The following DPYSL4 variants were observed in gnomAD, a reference collection of about 807,000 sequenced individuals.
The protein encoded by DPYSL4 is dihydropyrimidinase like 4, also known as dihydropyrimidinase-related protein 4.
A neutral mutation model predicts 63.4 loss-of-function variants in DPYSL4; 43 were observed. That is an observed-to-expected ratio of 0.68 (90% confidence interval 0.53 to 0.88). DPYSL4 has a LOEUF of 0.88. DPYSL4 is among the 40% of genes least tolerant of loss of function. The pLI is 0.00. For synonymous variants in DPYSL4, 353 were observed against 331.7 expected, an observed-to-expected ratio of 1.06 and a Z score of -0.70; for missense variants, 733 against 819.5, an observed-to-expected ratio of 0.89 and a Z score of 1.29.
intron 1 of DPYSL4, among the ~76,000 whole-genome samples, chr10:132,189,490 C>T (rs941418907): frequency 3.3e-5 from 5 of 152,352 alleles, no homozygotes; most frequent in East Asian, 3.9e-4. Context: ...CCCTGTCTAA[C>T]GCCACAGCTC....
At chr10:132,201,620 TCTTACC>T (rs1284318832) in intron 10 of DPYSL4, among the ~76,000 whole-genome samples, 10 of 152,260 alleles carry the variant, frequency 6.6e-5, no homozygotes, top group Non-Finnish European at 1.5e-4. Flanking sequence ...ACTCAGGCGT[TCTTACC>T]CTGAGTGTTG....
Position 132,194,876 on chromosome 10 carries a change from C to A in DPYSL4, c.345C>A (p.Ser115Arg), listed in dbSNP as rs1253813437. 6.2e-7 allele frequency: 1 copy of A among 1,612,794 alleles called. No individual in the cohort carries two copies. The highest frequency in any genetic ancestry group is 8.5e-7 in the Non-Finnish European group (1 of 1,179,906). The change falls in exon 4 of 14, where the codon AGC becomes AGA. Residue 115 changes from serine (S) to arginine (R), a missense_variant. By Grantham distance (110) the Ser-to-Arg change is moderately radical. Transcript: ENST00000338492. ...LDHVFPDTGVSLLAAYEQWRE... is the reference protein window; with the variant it reads ...LDHVFPDTGVRLLAAYEQWRE... ...ACGTCTTCCCCGACACGGGTGTGAG[C>A]CTGCTGGCGGCCTACGAGCAGTGGC... is the stretch of plus-strand genomic sequence containing the variant.
chr10:132,204,363 C>T (rs1325558700), intron 13 of DPYSL4, among the ~76,000 whole-genome samples: 1 of 152,182 alleles, frequency 6.6e-6, no homozygotes, highest in Non-Finnish European at 1.5e-5. Context: ...CACGAGAATG[C>T]CTGGGAGGGC....
intron 10 of DPYSL4, among the ~76,000 whole-genome samples, 162 bp from the exon 11 acceptor site, chr10:132,201,784 G>A (rs370976202): frequency 3.3e-5 from 5 of 151,930 alleles, no homozygotes; most frequent in Non-Finnish European, 7.4e-5. Context: ...GTGTCCTGCC[G>A]TCCAACCTTG....
At chr10:132,194,536 C>G (rs908254446) in intron 3 of DPYSL4, among the ~76,000 whole-genome samples, 1 of 152,224 alleles carries the variant, frequency 6.6e-6, no homozygotes, top group African/African-American at 2.4e-5. Flanking sequence ...AAAGCCCCGA[C>G]CTCCTGTGCT....
At chr10:132,197,543 C>A (rs988279159) in intron 6 of DPYSL4, among the ~76,000 whole-genome samples, 7 of 152,228 alleles carry the variant, frequency 4.6e-5, no homozygotes, top group Admixed American at 2.0e-4. Flanking sequence ...GCCGACCCCC[C>A]AGGCCCTTGG....
chr10:132,190,752 C>T lies in DPYSL4; in HGVS notation c.45C>T (p.Asp15=), dbSNP rs920289076. ...CCCTTTGTTGTTCCCGATAGAGTGA[C>T]CGCCTTCTGATCAGAGGTGGGAGGA... The part of the protein sequence containing the change: ...GKKSIPRITS[D]RLLIRGGRIV... Residue 15 remains aspartate, a synonymous_variant, in exon 2 of 14, where the codon GAC becomes GAT. Transcript: ENST00000338492. 6.2e-6 allele frequency: 10 copies of T among 1,613,160 alleles called. No individual in the cohort carries two copies. The highest frequency in any genetic ancestry group is 2.2e-5 in the East Asian group (1 of 44,866).
At chr10:132,190,896 G>A in intron 2 of DPYSL4, 61 bp downstream of exon 2, 1 of 1,536,186 alleles carries the variant, frequency 6.5e-7, no homozygotes, top group Admixed American at 1.7e-5. Flanking sequence ...TGGTCACGTG[G>A]TATCCAGGCA....
At chr10:132,187,271 G>T (rs2061809209) in intron 1 of DPYSL4, among the ~76,000 whole-genome samples, 169 bp downstream of exon 1, 1 of 151,488 alleles carries the variant, frequency 6.6e-6, no homozygotes, top group Admixed American at 6.6e-5. Context: ...GCGCCCCAGG[G>T]TCCGAGAGTC....
At chr10:132,201,157 G>T (rs76037184) in intron 10 of DPYSL4, among the ~76,000 whole-genome samples, 174 bp downstream of exon 10, 17,670 of 152,106 alleles carry the variant, frequency 0.12, 1,404 homozygotes, top group South Asian at 0.16. Flanking sequence ...CGTGGTTCTG[G>T]CCCCTCCAGA....
intron 3 of DPYSL4, 98 bp from the exon 4 acceptor site, chr10:132,194,747 T>G (rs1388146315): frequency 1.3e-6 from 2 of 1,495,642 alleles, no homozygotes; most frequent in Non-Finnish European, 1.8e-6. Context: ...AATGGTCCTC[T>G]GGTCTCTTGG....
intron 12 of DPYSL4, among the ~76,000 whole-genome samples, chr10:132,203,290 CA>C (rs2062045188): frequency 1.4e-5 from 2 of 146,602 alleles, no homozygotes; most frequent in Admixed American, 1.4e-4. Context: ...GCCCCCCCCC[CA>C]TGGCCTTCCA....
intron 9 of DPYSL4, 30 bp from the exon 10 acceptor site, chr10:132,200,812 C>T (rs370005851): frequency 5.6e-6 from 9 of 1,606,656 alleles, no homozygotes; most frequent in Non-Finnish European, 7.6e-6. Flanking sequence ...TCAGGAAGGC[C>T]AGGACCCTCT....
rs766502442 is a variant in DPYSL4, at chr10:132,202,041, T to A, written c.1206T>A (p.Ala402=). 23 of 1,613,010 alleles carry A rather than the reference T, an allele frequency of 1.4e-5. No individual in the cohort carries two copies. The Admixed American group carries it at 3.5e-4, about 25-fold the overall frequency. The stretch of plus-strand genomic sequence containing the variant: ...TTTACCCAAGGAAGGGGCGAGTGGC[T>A]GTGGGCTCTGACGCTGACCTGGTCA... ...FNFYPRKGRV[A]VGSDADLVIW... is the part of the protein sequence containing the mutation. The change falls in exon 11 of 14, where the codon GCT becomes GCA. Residue 402 remains alanine, a synonymous_variant. Coordinates refer to ENST00000338492, the MANE Select transcript of DPYSL4 (RefSeq NM_006426.3).
intron 10 of DPYSL4, 114 bp from the exon 11 acceptor site, chr10:132,201,832 G>T (rs536443514): frequency 9.5e-6 from 11 of 1,161,270 alleles, no homozygotes; most frequent in African/African-American, 9.2e-5. Flanking sequence ...CCTCACGGGG[G>T]CCTGGTGACC....
chr10:132,203,290 C>T (rs1039956348), intron 12 of DPYSL4, among the ~76,000 whole-genome samples: 1 of 146,602 alleles, frequency 6.8e-6, no homozygotes, highest in Non-Finnish European at 1.5e-5. Context: ...GCCCCCCCCC[C>T]ATGGCCTTCC....
chr10:132,199,421 C>T (rs1395793900), intron 8 of DPYSL4, among the ~76,000 whole-genome samples: 4 of 151,790 alleles, frequency 2.6e-5, no homozygotes, highest in Admixed American at 2.6e-4. Flanking sequence ...GGGGTGCCAC[C>T]CAGAGCTGTG....
Position 132,205,117 on chromosome 10 carries a change from A to G in DPYSL4, c.*187A>G. ...AGGTCCTGCTGCCAAGAGCCCCTCA[A>G]GAGAAGGGCTGAACCTGGGGAGATG... On this transcript the variant is annotated 3_prime_UTR_variant, in exon 14 of 14. Transcript: ENST00000338492. 1 of 463,154 alleles carries G rather than the reference A, an allele frequency of 2.2e-6. No homozygotes were observed. The highest frequency in any genetic ancestry group is 3.8e-6 in the Non-Finnish European group (1 of 262,080). The allele number at this position is 463,154 out of a possible 1,614,324, so 28.7% of individuals were successfully genotyped here.
intron 3 of DPYSL4, 113 bp downstream of exon 3, chr10:132,192,955 T>C: frequency 9.2e-7 from 1 of 1,086,706 alleles, no homozygotes; most frequent in Non-Finnish European, 1.3e-6. Context: ...TTCTCAGCTG[T>C]CTGCCTTTAT....
Sources: allele counts gnomAD v4.1 joint callset (sites outside exome capture counted in the v4.1 genomes callset), GRCh38; gene constraint gnomAD v4.1.1; transcripts MANE v1.5; gene names NCBI Gene and HGNC (gene_info 2026-07-23, HGNC 2026-07-21).